The following ABCB1 variants were observed in gnomAD, a reference collection of about 807,000 sequenced individuals.
The protein encoded by ABCB1 is ATP-dependent translocase ABCB1.
A neutral mutation model predicts 142.0 loss-of-function variants in ABCB1; 69 were observed. The observed-to-expected ratio is 0.49, with a 90% CI of 0.40 to 0.59. The LOEUF (loss-of-function observed/expected upper bound fraction) is 0.59, where lower values mean the gene tolerates loss of function less well. ABCB1 is among the 20% of genes least tolerant of loss of function. The pLI, the probability that ABCB1 is intolerant of heterozygous loss-of-function variation, is 0.00. For synonymous variants in ABCB1, 532 were observed against 539.2 expected, an observed-to-expected ratio of 0.99 and a Z score of 0.18; for missense variants, 1,326 against 1,554.7, an observed-to-expected ratio of 0.85 and a Z score of 2.47.
intron 21 of ABCB1, among the ~76,000 whole-genome samples, chr7:87,526,177 T>C (rs1206971378): frequency 1.3e-5 from 2 of 150,696 alleles, no homozygotes; most frequent in Admixed American, 6.6e-5. Context: ...TTTTTTTTTT[T>C]CATATCTCCT....
chr7:87,587,806 C>T (rs1165006274), intron 3 of ABCB1, among the ~76,000 whole-genome samples: 13 of 141,896 alleles, frequency 9.2e-5, no homozygotes, highest in Admixed American at 6.0e-4. Context: ...ACCTGGGAGG[C>T]GGAGCTTGCA....
intron 1 of ABCB1, among the ~76,000 whole-genome samples, chr7:87,620,016 A>G (rs1209979396): frequency 6.6e-6 from 1 of 152,132 alleles, no homozygotes; most frequent in Non-Finnish European, 1.5e-5. Context: ...TTATTGAGGG[A>G]ACATTTTCTT....
intron 1 of ABCB1, among the ~76,000 whole-genome samples, chr7:87,671,987 G>A (rs528204990): frequency 2.0e-5 from 3 of 152,294 alleles, no homozygotes; most frequent in Admixed American, 2.0e-4. Context: ...ACCCACTTAA[G>A]CAGTTTGGCC....
rs531765318 is a variant in ABCB1, at chr7:87,583,715, ACTGTGTG to A, written c.286+1790_286+1796del. 3.6e-3 allele frequency among the ~76,000 whole-genome samples: 552 copies of A among 152,308 alleles called. 8 individuals are homozygous for A. The East Asian group carries it at 0.053, about 15-fold the overall frequency. ...TGCATGCTATTAAGTAAGTGAGTTT[ACTGTGTG>A]TCTTAGTCCATTTGGGATGATATAA... On this transcript the variant is annotated intron_variant, in intron 4 of 27. Coordinates refer to ENST00000622132, the MANE Select transcript of ABCB1 (RefSeq NM_001348946.2).
chr7:87,707,099 T>C (rs374119031), intron 1 of ABCB1, among the ~76,000 whole-genome samples: 1 of 152,162 alleles, frequency 6.6e-6, no homozygotes, highest in Non-Finnish European at 1.5e-5. Context: ...TTTCTAGTAC[T>C]CTGACTGACT....
chr7:87,568,969 T>C (rs952972484), intron 5 of ABCB1, among the ~76,000 whole-genome samples: 1 of 152,158 alleles, frequency 6.6e-6, no homozygotes, highest in Non-Finnish European at 1.5e-5. Flanking sequence ...TTCCCCAATG[T>C]AAAAAACAAT....
intron 9 of ABCB1, among the ~76,000 whole-genome samples, chr7:87,551,596 C>T (rs1458164651): frequency 1.3e-5 from 2 of 152,044 alleles, no homozygotes; most frequent in Admixed American, 1.3e-4. Context: ...GTTCAGACAA[C>T]CCTCTCACCT....
intron 1 of ABCB1, among the ~76,000 whole-genome samples, chr7:87,696,441 T>C (rs558841657): frequency 6.6e-6 from 1 of 152,276 alleles, no homozygotes; most frequent in East Asian, 1.9e-4. Context: ...GTTCAAATAA[T>C]ATCGCAGATA....
At chr7:87,602,955 C>G (rs1819514849), upstream of ABCB1, 1 of 152,142 alleles carries the variant, frequency 6.6e-6, no homozygotes, top group Non-Finnish European at 1.5e-5. Flanking sequence ...TCTGATGAAA[C>G]CTACCTGGTC....
intron 1 of ABCB1, among the ~76,000 whole-genome samples, chr7:87,683,890 C>T (rs983840969): frequency 5.9e-5 from 9 of 152,022 alleles, no homozygotes; most frequent in African/African-American, 2.2e-4. Context: ...TACATTAAAA[C>T]AAGAAATGAC....
intron 21 of ABCB1, among the ~76,000 whole-genome samples, chr7:87,523,100 AAACT>A (rs1302485195): frequency 6.6e-6 from 1 of 152,098 alleles, no homozygotes; most frequent in Non-Finnish European, 1.5e-5. Flanking sequence ...AAGTCAAAGA[AAACT>A]AACTTTTTTT....
At chr7:87,712,956 T>C (rs977525692) in intron 1 of ABCB1, among the ~76,000 whole-genome samples, 8 of 152,144 alleles carry the variant, frequency 5.3e-5, no homozygotes, top group Non-Finnish European at 7.4e-5. Context: ...TATTTCAAAG[T>C]TTTTATCTTA....
At chr7:87,590,711 G>T (rs886181034) in intron 3 of ABCB1, among the ~76,000 whole-genome samples, 5 of 152,220 alleles carry the variant, frequency 3.3e-5, no homozygotes, top group Non-Finnish European at 7.3e-5. Flanking sequence ...CTGCAGTAAA[G>T]TCAGAAATAA....
intron 1 of ABCB1, among the ~76,000 whole-genome samples, chr7:87,695,721 AT>A (rs1395876664): frequency 6.6e-6 from 1 of 152,096 alleles, no homozygotes; most frequent in East Asian, 1.9e-4. Context: ...TTTTTCTTGT[AT>A]TATGAAAAGA....
chr7:87,504,545 A>G, intron 27 of ABCB1, 96 bp from the exon 28 acceptor site: 2 of 1,519,212 alleles, frequency 1.3e-6, no homozygotes, highest in Non-Finnish European at 1.8e-6. Context: ...ATGGTGGCTC[A>G]CGCCTGTAAT....
chr7:87,645,081 CT>C lies in ABCB1; in HGVS notation c.-330-44004del, dbSNP rs551936794. Among the ~76,000 whole-genome samples the C allele has an allele frequency of 2.4e-3, 309 of 128,058 alleles. 1 individual carries two copies. The highest frequency in any genetic ancestry group is 9.9e-3 in the South Asian group (39 of 3,940). The allele number at this position is 128,058 out of a possible 152,430, so 84.0% of individuals were successfully genotyped here. A position where few individuals can be genotyped will look rare whatever the true frequency, so the allele number is the denominator to read the frequency against. On this transcript the variant is annotated intron_variant, in intron 1 of 28. Transcript: ENST00000265724. ...TTTTAGTCACAATCATGCTTTCTTT[CT>C]TTTTTTTTTTTTTTTTTGAGACAGA...
chr7:87,675,051 A>T (rs946407373), intron 1 of ABCB1, among the ~76,000 whole-genome samples: 1 of 152,132 alleles, frequency 6.6e-6, no homozygotes, highest in Non-Finnish European at 1.5e-5. Flanking sequence ...TGGGGAAATG[A>T]TCTCCTGCTG....
In ABCB1 at chr7:87,650,731, A is replaced by T. The variant is rs985594749; in HGVS notation, c.-330-49653T>A. The T allele has an allele frequency of 2.8e-5, 21 of 740,214 alleles. No individual in the cohort carries two copies. The South Asian group carries it at 3.1e-4, about 11-fold the overall frequency. The allele number at this position is 740,214 out of a possible 1,614,324, so 45.9% of individuals were successfully genotyped here. ...TATACTCTTGTAAAATATTTTTACA[A>T]CTCTTCCCCAAATTGCCTTCCTCCC... On this transcript the variant is annotated intron_variant, in intron 1 of 28. Coordinates refer to the ABCB1 transcript ENST00000265724.
intron 1 of ABCB1, among the ~76,000 whole-genome samples, chr7:87,600,395 G>C (rs936507005): frequency 1.3e-5 from 2 of 152,184 alleles, no homozygotes; most frequent in Non-Finnish European, 2.9e-5. Context: ...GCAGAGTTGG[G>C]GGTCTGGCAG....
Sources: gnomAD v4.1 joint callset for allele counts (sites outside exome capture counted in the v4.1 genomes callset) on GRCh38, gnomAD v4.1.1 for gene constraint, MANE v1.5 for transcripts, NCBI Gene and HGNC (gene_info 2026-07-23, HGNC 2026-07-21) for gene names.